Variants in FAM184B observed in about 807,000 individuals in gnomAD.
FAM184B encodes the protein family with sequence similarity 184 member B.
FAM184B carries 111 observed loss-of-function variants against 135.9 expected under a neutral mutation model. That is an observed-to-expected ratio of 0.82 (90% CI 0.70 to 0.96). The LOEUF is 0.96. FAM184B is among the 40% of genes least tolerant of loss of function. The pLI, the probability that FAM184B is intolerant of heterozygous loss-of-function variation, is 0.00. For missense variants in FAM184B, 1,375 were observed against 1,323.9 expected (o/e 1.04, Z -0.60); for synonymous variants, 552 against 524.8 (o/e 1.05, Z -0.71).
At chr4:17,723,247 A>T (rs1366109535) in intron 1 of FAM184B, among the ~76,000 whole-genome samples, 1 of 152,186 alleles carries the variant, frequency 6.6e-6, no homozygotes, top group Non-Finnish European at 1.5e-5. Context: ...CACTATTCGC[A>T]GCAGAGAAAA....
chr4:17,733,848 C>CA (rs1717845864), intron 1 of FAM184B, among the ~76,000 whole-genome samples: 1 of 152,006 alleles, frequency 6.6e-6, no homozygotes, highest in African/African-American at 2.4e-5. Context: ...CATATGGATC[C>CA]AAAAAAGAGC....
chr4:17,666,785 A>G (rs1444646081), intron 7 of FAM184B, among the ~76,000 whole-genome samples: 1 of 151,418 alleles, frequency 6.6e-6, no homozygotes, highest in Non-Finnish European at 1.5e-5. Context: ...GGTAAGCTCC[A>G]TGAGGGCAGG....
chr4:17,652,709 C>A, intron 11 of FAM184B, 121 bp downstream of exon 11: 3 of 1,194,892 alleles, frequency 2.5e-6, no homozygotes, highest in Admixed American at 2.7e-5. Context: ...GCCTGAGATT[C>A]CCGGAGCCGT....
At chr4:17,649,699 G>A (rs1285772105) in intron 11 of FAM184B, among the ~76,000 whole-genome samples, 1 of 150,982 alleles carries the variant, frequency 6.6e-6, no homozygotes, top group Non-Finnish European at 1.5e-5. Flanking sequence ...TTTGAAAACT[G>A]TTATCACAAG....
At chr4:17,765,605 A>C (rs186015216) in intron 1 of FAM184B, among the ~76,000 whole-genome samples, 25 of 152,356 alleles carry the variant, frequency 1.6e-4, no homozygotes, top group Non-Finnish European at 2.8e-4. Flanking sequence ...GTCTGCCTTC[A>C]ACCAACATGT....
chr4:17,674,142 T>C (rs1381691080), intron 7 of FAM184B, among the ~76,000 whole-genome samples: 3 of 151,658 alleles, frequency 2.0e-5, no homozygotes, highest in African/African-American at 7.3e-5. Context: ...TAAATTACTG[T>C]AATAGTAGTG....
At chr4:17,673,900 CAATAACCT>C (rs1326777646) in intron 7 of FAM184B, among the ~76,000 whole-genome samples, 2 of 151,968 alleles carry the variant, frequency 1.3e-5, no homozygotes, top group African/African-American at 4.8e-5. Context: ...ACCTGTTCAC[CAATAACCT>C]ATGGAAATAA....
rs1173654985 is a variant in FAM184B at position 17,642,222 on chromosome 4, C to A, written c.2353G>T (p.Gly785Cys). Residue 785 changes from glycine (G) to cysteine (C), a missense_variant, in exon 13 of 18, where the codon GGC becomes TGC. By Grantham distance (159) the Gly-to-Cys change is radical (BLOSUM62 -3). Transcript: ENST00000265018. ...GGGGAGCCGGCCTGGCCCGGGCCGC[C>A]CCGCTCCTGAGGAAGGCAACCAGGA... The part of the protein sequence containing the change: ...KDHIIATEER[G>C]GPGQAGSPPG... The A allele has an allele frequency of 3.3e-6, 5 of 1,496,828 alleles. No individual in the cohort carries two copies. The South Asian group carries it at 5.1e-5, about 15-fold the overall frequency. The allele number at this position is 1,496,828 out of a possible 1,614,324, so 92.7% of individuals were successfully genotyped here.
chr4:17,777,501 C>T (rs1465538815), intron 1 of FAM184B, among the ~76,000 whole-genome samples: 1 of 151,842 alleles, frequency 6.6e-6, no homozygotes, highest in African/African-American at 2.4e-5. Context: ...ATTAAAAAAA[C>T]TGTTAATCAA....
Position 17,636,629 on chromosome 4 carries a change from C to T in FAM184B, c.2683G>A (p.Glu895Lys). 2 of 1,549,814 alleles carry T rather than the reference C, an allele frequency of 1.3e-6. No homozygotes were observed. Among genetic ancestry groups the T allele is most frequent in the Non-Finnish European group, 1.7e-6 (2 of 1,146,578 alleles). ...CTGGACGCTCCCTTCCCTGGCTTCT[C>T]TCCGGAATCTTTCAGTCTGTTCCAA... ...ALEAELKDSG[E>K]KPGKGASRPE... Residue 895 changes from glutamate (E) to lysine (K), a missense_variant, in exon 15 of 18, where the codon GAG (glutamate) becomes AAG (lysine). Glu to Lys is a moderately conservative substitution (Grantham distance 56). Coordinates refer to ENST00000265018, the MANE Select transcript of FAM184B (RefSeq NM_015688.2).
intron 1 of FAM184B, among the ~76,000 whole-genome samples, chr4:17,733,138 C>G (rs551360773): frequency 1.6e-4 from 24 of 151,662 alleles, no homozygotes; most frequent in Non-Finnish European, 2.7e-4. Context: ...ATTCAACAAC[C>G]CTTCATGCTA....
At chr4:17,771,615 C>G (rs1349323115) in intron 1 of FAM184B, among the ~76,000 whole-genome samples, 2 of 152,114 alleles carry the variant, frequency 1.3e-5, no homozygotes. Context: ...CGAGAGGAGC[C>G]AGTGGGTGCC....
At chr4:17,739,309 C>T (rs1440597505) in intron 1 of FAM184B, among the ~76,000 whole-genome samples, 1 of 152,112 alleles carries the variant, frequency 6.6e-6, no homozygotes, top group African/African-American at 2.4e-5. Flanking sequence ...GTCTTGTCCC[C>T]AGTACAACTG....
At chr4:17,714,332 A>G (rs1300408855) in intron 1 of FAM184B, among the ~76,000 whole-genome samples, 1 of 152,086 alleles carries the variant, frequency 6.6e-6, no homozygotes, top group East Asian at 1.9e-4. Flanking sequence ...CCTGGGGCCA[A>G]TGTGGGGACA....
intron 7 of FAM184B, among the ~76,000 whole-genome samples, chr4:17,681,323 G>A (rs1244829667): frequency 1.3e-5 from 2 of 152,192 alleles, no homozygotes; most frequent in Non-Finnish European, 2.9e-5. Flanking sequence ...CCTGTCTGAG[G>A]CTCCTAAGGA....
At chr4:17,714,706 C>T (rs962794992) in intron 1 of FAM184B, among the ~76,000 whole-genome samples, 3 of 152,060 alleles carry the variant, frequency 2.0e-5, no homozygotes, top group East Asian at 1.9e-4. Flanking sequence ...TAAAAGGAAA[C>T]GTGCATGGGA....
At position 17,724,872 on chromosome 4, in the gene FAM184B, A is replaced by G. The variant is rs75531978; in HGVS notation, c.142-15228T>C. The stretch of plus-strand genomic sequence containing the variant: ...CCAGACCACCCTTCGTAGGACTCCT[A>G]TATTCTACGTCAATTCTCTCCCTGG... On this transcript the variant is annotated intron_variant, in intron 1 of 17. Coordinates refer to ENST00000265018, the MANE Select transcript of FAM184B (RefSeq NM_015688.2). Among the ~76,000 whole-genome samples the G allele has an allele frequency of 7.6e-3, 1,160 of 152,244 alleles. 15 individuals carry two copies. Among genetic ancestry groups the G allele is most frequent in the African/African-American group, 0.027 (1,105 of 41,540 alleles).
intron 1 of FAM184B, among the ~76,000 whole-genome samples, chr4:17,721,099 T>C (rs1717513706): frequency 2.7e-5 from 4 of 150,654 alleles, no homozygotes; most frequent in Non-Finnish European, 5.9e-5. Context: ...GAATAAAAAA[T>C]CTCGGCTGGG....
chr4:17,693,785 A>C (rs1716792463), intron 5 of FAM184B, among the ~76,000 whole-genome samples: 1 of 152,114 alleles, frequency 6.6e-6, no homozygotes, highest in Non-Finnish European at 1.5e-5. Flanking sequence ...GCAGTACAAA[A>C]TTTCTTCTCA....
Sources: allele counts gnomAD v4.1 joint callset (sites outside exome capture counted in the v4.1 genomes callset), GRCh38; gene constraint gnomAD v4.1.1; transcripts MANE v1.5; gene names NCBI Gene and HGNC (gene_info 2026-07-23, HGNC 2026-07-21).